Variants in AKAP13 observed in about 807,000 individuals in gnomAD.
AKAP13 encodes the protein A-kinase anchor protein 13.
Under a neutral mutation model 264.5 loss-of-function variants are expected in AKAP13, and 80 were observed. That is an observed-to-expected ratio of 0.30 (90% CI 0.25 to 0.36). AKAP13 has a LOEUF of 0.36. Ranked by LOEUF, AKAP13 falls within the 10% of genes least tolerant of loss-of-function variation. The pLI is 1.00. For synonymous variants in AKAP13, 1,380 were observed against 1,250.2 expected, an observed-to-expected ratio of 1.10 and a Z score of -2.19; for missense variants, 3,712 against 3,435.2, an observed-to-expected ratio of 1.08 and a Z score of -2.01.
chr15:85,417,405 TGA>T lies in AKAP13; in HGVS notation c.-12+36609_-12+36610del, dbSNP rs537644171. Among the ~76,000 whole-genome samples the T allele has an allele frequency of 2.7e-4, 41 of 152,344 alleles. 1 individual carries two copies. The highest frequency in any genetic ancestry group is 9.6e-4 in the African/African-American group (40 of 41,576). On this transcript the variant is annotated intron_variant, in intron 1 of 36. Transcript: ENST00000394518. The stretch of plus-strand genomic sequence containing the variant: ...TTTTTGGTGGAATCGAAATAGCGTA[TGA>T]GCAATGGGCGTTTAAGTTAGAAAAT...
chr15:85,561,145 C>T (rs1164547614), intron 5 of AKAP13, among the ~76,000 whole-genome samples: 1 of 151,756 alleles, frequency 6.6e-6, no homozygotes, highest in Non-Finnish European at 1.5e-5. Flanking sequence ...GCAACCTCCG[C>T]CCCCCAGGTT....
chr15:85,525,115 G>A (rs539945877), intron 3 of AKAP13, among the ~76,000 whole-genome samples: 1 of 142,536 alleles, frequency 7.0e-6, no homozygotes, highest in South Asian at 2.2e-4. Context: ...CTGGAGTGCA[G>A]TGGCGCGATC....
intron 12 of AKAP13, among the ~76,000 whole-genome samples, chr15:85,663,008 T>C (rs1341309128): frequency 2.0e-5 from 3 of 152,176 alleles, no homozygotes; most frequent in Non-Finnish European, 4.4e-5. Flanking sequence ...TTATCCCTGG[T>C]ATTGAAAGTG....
Position 85,581,072 on chromosome 15 carries a change from G to A in AKAP13, c.3004G>A (p.Ala1002Thr), listed in dbSNP as rs111499130. The A allele has an allele frequency of 2.7e-4, 429 of 1,613,982 alleles. 1 individual carries two copies. In the African/African-American group the frequency reaches 4.2e-3, roughly 16 times the overall value. Residue 1002 changes from alanine (A) to threonine (T), a missense_variant, in exon 7 of 37, where the codon GCC becomes ACC. Physicochemically the swap from Ala to Thr is moderately conservative, Grantham distance 58. Transcript: ENST00000394518. The stretch of plus-strand genomic sequence containing the variant: ...AGAAACTGAACATAACAAGGAAGTG[G>A]CCCCACAAGTCTCACTGCTGACTCA... The part of the protein sequence containing the change: ...KAETEHNKEV[A>T]PQVSLLTQGG...
intron 3 of AKAP13, among the ~76,000 whole-genome samples, chr15:85,531,782 C>T (rs2077250069): frequency 6.6e-6 from 1 of 152,174 alleles, no homozygotes; most frequent in South Asian, 2.1e-4. Context: ...CGTGTGGATT[C>T]AGTGTTCATG....
At chr15:85,468,687 A>G (rs1159790732) in intron 1 of AKAP13, among the ~76,000 whole-genome samples, 2 of 152,186 alleles carry the variant, frequency 1.3e-5, no homozygotes, top group Non-Finnish European at 2.9e-5. Flanking sequence ...GACTTAAAAT[A>G]TAATTAAATT....
intron 10 of AKAP13, among the ~76,000 whole-genome samples, chr15:85,646,160 C>T (rs989158322): frequency 1.3e-5 from 2 of 152,100 alleles, no homozygotes; most frequent in African/African-American, 2.4e-5. Flanking sequence ...GAGAAGGAAG[C>T]GCCAGATTAC....
intron 2 of AKAP13, among the ~76,000 whole-genome samples, chr15:85,504,146 A>C (rs1194756237): frequency 6.6e-6 from 1 of 152,202 alleles, no homozygotes; most frequent in Admixed American, 6.5e-5. Context: ...TAAATAACCA[A>C]GAAAGCTAGG....
At chr15:85,701,844 C>A (rs1313294032) in intron 17 of AKAP13, among the ~76,000 whole-genome samples, 2 of 152,060 alleles carry the variant, frequency 1.3e-5, no homozygotes, top group Admixed American at 6.5e-5. Context: ...AAAATACATT[C>A]TTTAATTTGC....
chr15:85,408,011 A>G (rs186876867), intron 1 of AKAP13, among the ~76,000 whole-genome samples: 3 of 151,762 alleles, frequency 2.0e-5, no homozygotes, highest in Admixed American at 2.0e-4. Flanking sequence ...TGTTGAGTAG[A>G]TGGTGGGAAT....
chr15:85,686,571 C>T (rs1196023808), intron 16 of AKAP13, among the ~76,000 whole-genome samples: 1 of 150,774 alleles, frequency 6.6e-6, no homozygotes, highest in African/African-American at 2.4e-5. Flanking sequence ...CATAATCACA[C>T]ATTTAACTTC....
At chr15:85,639,553 G>C in intron 9 of AKAP13, 104 bp downstream of exon 9, 1 of 849,342 alleles carries the variant, frequency 1.2e-6, no homozygotes, top group Non-Finnish European at 2.0e-6. Flanking sequence ...CAGTAAATCA[G>C]AGGAAGGGAT....
At chr15:85,506,608 G>T (rs905640289) in intron 2 of AKAP13, among the ~76,000 whole-genome samples, 3 of 152,142 alleles carry the variant, frequency 2.0e-5, no homozygotes, top group Admixed American at 6.5e-5. Context: ...AAATAAAGCA[G>T]GGCAAGATAG....
At chr15:85,423,486 G>A (rs568653116) in intron 1 of AKAP13, among the ~76,000 whole-genome samples, 1 of 152,324 alleles carries the variant, frequency 6.6e-6, no homozygotes, top group East Asian at 1.9e-4. Context: ...ATCTGTTCAA[G>A]TTTTATCATG....
chr15:85,570,606 C>T (rs2078784253), intron 5 of AKAP13, among the ~76,000 whole-genome samples: 1 of 152,166 alleles, frequency 6.6e-6, no homozygotes, highest in South Asian at 2.1e-4. Flanking sequence ...TTCTCGATGC[C>T]AGCACTACCG....
At chr15:85,538,816 G>A (rs930826590) in intron 4 of AKAP13, among the ~76,000 whole-genome samples, 5 of 144,492 alleles carry the variant, frequency 3.5e-5, no homozygotes, top group African/African-American at 7.7e-5. Flanking sequence ...ATATTTTTTC[G>A]TAGCTACATT....
chr15:85,635,235 C>T, intron 8 of AKAP13: 1 of 396,190 alleles, frequency 2.5e-6, no homozygotes. Context: ...TTGGTATTAT[C>T]AGTCTCAAAT....
In AKAP13 at chr15:85,741,314, TGCA is replaced by T. The variant is rs755983401; in HGVS notation, c.7882_7884del (p.Gln2628del). On this transcript the variant is annotated inframe_deletion, in exon 35 of 37. Transcript: ENST00000394518. ...CTCCTGGCCCAGCGCGAGGAGGAGG[TGCA>T]GCAGGGGCAGCAGGACCTGGAAAAG... is the stretch of plus-strand genomic sequence containing the variant. 9.2e-5 allele frequency: 148 copies of T among 1,611,924 alleles called. No homozygotes were observed. The highest frequency in any genetic ancestry group is 1.7e-5 in the Non-Finnish European group (20 of 1,179,292).
intron 2 of AKAP13, among the ~76,000 whole-genome samples, chr15:85,487,165 T>A (rs1172441036): frequency 6.6e-6 from 1 of 152,244 alleles, no homozygotes; most frequent in African/African-American, 2.4e-5. Flanking sequence ...GCCACAGTTT[T>A]TAAGTGGATG....
Sources: allele counts gnomAD v4.1 joint callset (sites outside exome capture counted in the v4.1 genomes callset), GRCh38; gene constraint gnomAD v4.1.1; transcripts MANE v1.5; gene names NCBI Gene and HGNC (gene_info 2026-07-23, HGNC 2026-07-21).